GCC2: variants seen among roughly 807,000 people sequenced by gnomAD.
GCC2 encodes the protein GRIP and coiled-coil domain-containing protein 2.
In GCC2, 120 loss-of-function variants were observed where a neutral mutation model predicts 210.6. The ratio of observed to expected loss-of-function variants is 0.57; its 90% CI spans 0.49 to 0.66. The LOEUF is 0.66. Among genes scored for constraint, GCC2 ranks in the 30% least tolerant of loss-of-function variants. The pLI, the probability that GCC2 is intolerant of heterozygous loss-of-function variation, is 0.00. For missense variants in GCC2, 1,868 were observed against 1,871.9 expected (o/e 1.00, Z 0.04); for synonymous variants, 703 against 652.7 (o/e 1.08, Z -1.17).
At chr2:108,503,149 T>C (rs1683011627) in intron 22 of GCC2, among the ~76,000 whole-genome samples, 1 of 145,400 alleles carries the variant, frequency 6.9e-6, no homozygotes, top group Non-Finnish European at 1.5e-5. Context: ...AAAAACCCAA[T>C]AAAATCTCAA....
Position 108,471,369 on chromosome 2 carries a change from A to G in GCC2, c.2040A>G (p.Lys680=). 6.2e-7 allele frequency: 1 copy of G among 1,609,304 alleles called. No individual in the cohort carries two copies. The highest frequency in any genetic ancestry group is 8.5e-7 in the Non-Finnish European group (1 of 1,178,722). The change falls in exon 6 of 23, where the codon AAA becomes AAG. Residue 680 remains lysine (K), a synonymous_variant. Transcript: ENST00000309863. ...AAATGAAAGTTCTCTCTGAAGACAA[A>G]GAAGTATTGTCAGCTGAAGTGAAGT... ...MVQMKVLSED[K]EVLSAEVKSL...
At chr2:108,507,308 C>G (rs1683239441) in intron 22 of GCC2, among the ~76,000 whole-genome samples, 1 of 151,230 alleles carries the variant, frequency 6.6e-6, no homozygotes, top group Non-Finnish European at 1.5e-5. Flanking sequence ...GTGGGAGAAT[C>G]ACTTGAGCCT....
At chr2:108,465,036 C>T (rs1021742990) in intron 4 of GCC2, among the ~76,000 whole-genome samples, 2 of 152,180 alleles carry the variant, frequency 1.3e-5, no homozygotes, top group African/African-American at 4.8e-5. Flanking sequence ...TCACTTTTCA[C>T]CAAGGGAATG....
At chr2:108,451,997 C>T (rs934080604) in intron 3 of GCC2, among the ~76,000 whole-genome samples, 26 of 152,052 alleles carry the variant, frequency 1.7e-4, no homozygotes, top group African/African-American at 5.8e-4. Context: ...GCACCCACCA[C>T]CATGCCTGGC....
chr2:108,478,501 C>T (rs984485561), intron 9 of GCC2, among the ~76,000 whole-genome samples: 7 of 152,068 alleles, frequency 4.6e-5, no homozygotes, highest in South Asian at 2.1e-4. Flanking sequence ...TAACTTGTAT[C>T]GGTTTATTAA....
In GCC2 at chr2:108,467,217, G is replaced by A. The variant is rs146624515; in HGVS notation, c.217-1763G>A. On this transcript the variant is annotated intron_variant, in intron 4 of 22. Transcript: ENST00000309863. ...AGTTTTATAATTTCCCCTGTGGAAC[G>A]CCTTCACACATCTTTTGGTAAAGTT... is the stretch of plus-strand genomic sequence containing the variant. Among the ~76,000 whole-genome samples the A allele has an allele frequency of 3.5e-4, 53 of 152,262 alleles. No individual in the cohort carries two copies. In the East Asian group the frequency reaches 9.6e-3, roughly 28 times the overall value.
chr2:108,478,351 T>A (rs574396296), intron 9 of GCC2, among the ~76,000 whole-genome samples: 1 of 152,314 alleles, frequency 6.6e-6, no homozygotes, highest in South Asian at 2.1e-4. Context: ...TGCTGAAATG[T>A]TTAAGAATGT....
At position 108,508,578 on chromosome 2, in the gene GCC2, TCA is replaced by T. The variant is rs1683325819; in HGVS notation, c.*951_*952del. On this transcript the variant is annotated 3_prime_UTR_variant, in exon 23 of 23. Coordinates refer to ENST00000309863, the MANE Select transcript of GCC2 (RefSeq NM_181453.4). ...CTCCATTTTCCCAAATAAAAACCTA[TCA>T]CAACAGTGACTATATCACTCAGCAT... 6.7e-6 allele frequency: 1 copy of T among 148,948 alleles called. No individual in the cohort carries two copies. Among genetic ancestry groups the T allele is most frequent in the South Asian group, 2.2e-4 (1 of 4,600 alleles). The allele number at this position is 148,948 out of a possible 1,614,324, so 9.2% of individuals were successfully genotyped here.
chr2:108,505,021 A>C (rs1420845227), intron 22 of GCC2, among the ~76,000 whole-genome samples: 1 of 152,244 alleles, frequency 6.6e-6, no homozygotes, highest in Non-Finnish European at 1.5e-5. Flanking sequence ...ATCAGAAAAC[A>C]ACCTTCCAAG....
chr2:108,507,532 CTTTT>C lies in GCC2; in HGVS notation c.4985-20_4985-17del, dbSNP rs201688853. 3 of 1,293,170 alleles carry C rather than the reference CTTTT, an allele frequency of 2.3e-6. No individual in the cohort carries two copies. In the East Asian group the frequency reaches 8.2e-5, roughly 36 times the overall value. The allele number at this position is 1,293,170 out of a possible 1,614,324, so 80.1% of individuals were successfully genotyped here. On this transcript the variant is annotated intron_variant, in intron 22 of 22. Coordinates refer to ENST00000309863, the MANE Select transcript of GCC2 (RefSeq NM_181453.4). Reference sequence around the variant, plus strand: ...ATACTCTCTTTTTTCTTTTATTTTTCTTTTTTTTTTTGTTTTACTTTCCAAAGGT... The same window carrying C: ...ATACTCTCTTTTTTCTTTTATTTTTCTTTTTTTGTTTTACTTTCCAAAGGT...
rs371419991 is a variant in GCC2 at position 108,485,640 on chromosome 2, A to G, written c.3618A>G (p.Ser1206=). The G allele has an allele frequency of 6.6e-6, 10 of 1,504,250 alleles. No homozygotes were observed. In the African/African-American group the frequency reaches 1.3e-4, roughly 19 times the overall value. 93.2% of individuals were successfully genotyped at this position (1,504,250 alleles called of 1,614,324 possible). A position where few individuals can be genotyped will look rare whatever the true frequency, so the allele number is the denominator to read the frequency against. ...TGAAATTATTTCTTGTGCTAGCTTC[A>G]TTACAGTCTTCAGTACAACAATATG... The part of the protein sequence containing the change: ...KQETLQEEIT[S]LQSSVQQYEE... Residue 1206 remains serine, a synonymous_variant, in exon 14 of 23, where the codon TCA becomes TCG. Transcript: ENST00000309863.
rs776808644 is a variant in GCC2, at chr2:108,469,714, A to G, written c.385A>G (p.Lys129Glu). Residue 129 changes from lysine to glutamate, a missense_variant, in exon 6 of 23, where the codon AAA (lysine) becomes GAA (glutamate). Coordinates refer to ENST00000309863, the MANE Select transcript of GCC2 (RefSeq NM_181453.4). ...GGAACAATCACATATAAACTATGTG[A>G]AAGAAATTGAAAATTTGAAAAATGA... is the stretch of plus-strand genomic sequence containing the variant. ...ELEQSHINYV[K>E]EIENLKNELM... 18 of 1,612,446 alleles carry G rather than the reference A, an allele frequency of 1.1e-5. No homozygotes were observed. The highest frequency in any genetic ancestry group is 1.6e-4 in the Middle Eastern group (1 of 6,074).
chr2:108,493,426 C>A, intron 19 of GCC2: 1 of 983,430 alleles, frequency 1.0e-6, no homozygotes, highest in Non-Finnish European at 1.2e-6. Context: ...AGATTTCTTT[C>A]ATGTTCTCCG....
chr2:108,486,142 A>G (rs1439696001), intron 15 of GCC2, among the ~76,000 whole-genome samples: 1 of 152,210 alleles, frequency 6.6e-6, no homozygotes. Flanking sequence ...AGTGCAAAAT[A>G]AAATAAGCCT....
chr2:108,482,147 A>ATATT, intron 10 of GCC2, 140 bp from the exon 11 acceptor site: 1 of 586,934 alleles, frequency 1.7e-6, no homozygotes, highest in South Asian at 2.5e-5. Context: ...CTGATTCTTA[A>ATATT]TATTATCGTT....
intron 4 of GCC2, among the ~76,000 whole-genome samples, chr2:108,456,400 A>C (rs1680282449): frequency 6.6e-6 from 1 of 152,150 alleles, no homozygotes; most frequent in Non-Finnish European, 1.5e-5. Context: ...TTTCTTCTTA[A>C]TAGCCATTCC....
At chr2:108,490,453 T>C (rs1302670336) in intron 18 of GCC2, among the ~76,000 whole-genome samples, 1 of 152,180 alleles carries the variant, frequency 6.6e-6, no homozygotes, top group South Asian at 2.1e-4. Context: ...TAAATAGACA[T>C]TAGAAGTATT....
chr2:108,478,735 C>A lies in GCC2; in HGVS notation c.3060+2885C>A, dbSNP rs530002839. ...GCAATTCAGTTTTTACAGCTATTGA[C>A]AGCAGTTGGAACCAGAATGAGTAAA... On this transcript the variant is annotated intron_variant, in intron 9 of 22. Coordinates refer to ENST00000309863, the MANE Select transcript of GCC2 (RefSeq NM_181453.4). 1.6e-3 allele frequency among the ~76,000 whole-genome samples: 248 copies of A among 152,270 alleles called. No individual in the cohort carries two copies. The Middle Eastern group carries it at 0.031, about 19-fold the overall frequency.
At chr2:108,505,591 C>T (rs1683142205) in intron 22 of GCC2, among the ~76,000 whole-genome samples, 1 of 152,138 alleles carries the variant, frequency 6.6e-6, no homozygotes, top group African/African-American at 2.4e-5. Context: ...AAGCAAGCTA[C>T]CATCCCATAG....
Sources: allele counts gnomAD v4.1 joint callset (sites outside exome capture counted in the v4.1 genomes callset), GRCh38; gene constraint gnomAD v4.1.1; transcripts MANE v1.5; gene names NCBI Gene and HGNC (gene_info 2026-07-23, HGNC 2026-07-21).